Variants in PTPRG observed in about 807,000 individuals in gnomAD.
PTPRG encodes the protein protein tyrosine phosphatase receptor type G.
A neutral mutation model predicts 165.3 loss-of-function variants in PTPRG; 102 were observed. That is an observed-to-expected ratio of 0.62 (90% CI 0.53 to 0.73). The LOEUF (loss-of-function observed/expected upper bound fraction) is 0.73. Ranked by LOEUF, PTPRG falls within the 30% of genes least tolerant of loss-of-function variation. The pLI is 0.00. For synonymous variants in PTPRG, 675 were observed against 669.5 expected (o/e 1.01, Z -0.13); for missense variants, 1,866 against 1,861.4 (o/e 1.00, Z -0.05).
intron 2 of PTPRG, among the ~76,000 whole-genome samples, chr3:61,824,556 A>G (rs2036054386): frequency 6.6e-6 from 1 of 152,096 alleles, no homozygotes; most frequent in Non-Finnish European, 1.5e-5. Flanking sequence ...CTCAGCAAGT[A>G]TGGTGGCTCA....
chr3:61,646,532 C>T (rs921389014), intron 1 of PTPRG, among the ~76,000 whole-genome samples: 5 of 152,204 alleles, frequency 3.3e-5, no homozygotes, highest in African/African-American at 1.2e-4. Context: ...ACCCTTTCCC[C>T]AGCCTCCCCC....
intron 2 of PTPRG, among the ~76,000 whole-genome samples, chr3:61,812,050 C>G (rs1437703980): frequency 6.6e-6 from 1 of 152,130 alleles, no homozygotes; most frequent in African/African-American, 2.4e-5. Context: ...GTGGGGAGCA[C>G]CATGAGTTAA....
intron 1 of PTPRG, among the ~76,000 whole-genome samples, chr3:61,644,366 G>A (rs59442748): frequency 0.017 from 2,594 of 152,294 alleles, 78 homozygotes; most frequent in African/African-American, 0.059. Flanking sequence ...GGTGGCCTGT[G>A]TGTGATGATA....
intron 1 of PTPRG, among the ~76,000 whole-genome samples, chr3:61,620,099 T>C (rs1701409535): frequency 6.6e-6 from 1 of 152,096 alleles, no homozygotes; most frequent in Admixed American, 6.5e-5. Flanking sequence ...AGTAGAATAA[T>C]AAAAGGACTT....
chr3:61,845,934 C>T (rs192119009), intron 2 of PTPRG, among the ~76,000 whole-genome samples: 28 of 152,184 alleles, frequency 1.8e-4, no homozygotes, highest in African/African-American at 6.3e-4. Flanking sequence ...GTGAAATGAA[C>T]TGTCAAGGTT....
intron 1 of PTPRG, among the ~76,000 whole-genome samples, chr3:61,638,703 G>T (rs758196425): frequency 1.4e-5 from 2 of 146,370 alleles, no homozygotes; most frequent in Non-Finnish European, 3.0e-5. Context: ...CTCCCAAAGT[G>T]CTGGGATTAC....
In PTPRG at chr3:61,935,818, G is replaced by T. The variant is rs142209171; in HGVS notation, c.191-53807G>T. 4.7e-3 allele frequency among the ~76,000 whole-genome samples: 708 copies of T among 151,530 alleles called. 6 individuals carry two copies. The highest frequency in any genetic ancestry group is 0.016 in the African/African-American group (658 of 41,254). ...ATATTAGCCAACCTCACCTAATCCT[G>T]TCTGTCCTGGGCATTGTTCTGAGCA... On this transcript the variant is annotated intron_variant, in intron 2 of 29. Coordinates refer to ENST00000474889, the MANE Select transcript of PTPRG (RefSeq NM_002841.4).
intron 5 of PTPRG, among the ~76,000 whole-genome samples, chr3:62,085,349 G>T (rs1338771792): frequency 6.6e-6 from 1 of 152,170 alleles, no homozygotes; most frequent in Non-Finnish European, 1.5e-5. Flanking sequence ...ACGATTCATT[G>T]AGGTTGGTAC....
intron 1 of PTPRG, among the ~76,000 whole-genome samples, chr3:61,598,186 A>G (rs1380584374): frequency 2.6e-5 from 4 of 152,198 alleles, no homozygotes; most frequent in African/African-American, 7.2e-5. Flanking sequence ...GAGCCAATGT[A>G]ACACATAATG....
intron 4 of PTPRG, among the ~76,000 whole-genome samples, chr3:62,046,784 T>A (rs1700306351): frequency 6.6e-6 from 1 of 152,164 alleles, no homozygotes. Context: ...AGGTAGATGT[T>A]TGTTATTTAT....
chr3:61,699,938 A>G lies in PTPRG; in HGVS notation c.86-48940A>G, dbSNP rs530801382. ...CCTCAGAGTGGCTGCTTTTGAAATA[A>G]GTTTTCTAGAGGGTTTTCAAGAACA... is the stretch of plus-strand genomic sequence containing the variant. On this transcript the variant is annotated intron_variant, in intron 1 of 29. Transcript: ENST00000474889. 1.1e-3 allele frequency among the ~76,000 whole-genome samples: 161 copies of G among 152,302 alleles called. No homozygotes were observed. In the Middle Eastern group the frequency reaches 0.014, roughly 13 times the overall value.
At chr3:61,562,531 C>T (rs1469283740) in intron 1 of PTPRG, among the ~76,000 whole-genome samples, 159 bp downstream of exon 1, 1 of 145,848 alleles carries the variant, frequency 6.9e-6, no homozygotes, top group African/African-American at 2.6e-5. Flanking sequence ...GCTCCGCTGG[C>T]TTGGATGATG....
intron 1 of PTPRG, among the ~76,000 whole-genome samples, chr3:61,648,506 A>G (rs1009791566): frequency 2.6e-5 from 4 of 152,232 alleles, no homozygotes; most frequent in Non-Finnish European, 5.9e-5. Context: ...GGAATTACAC[A>G]TCTTGAAATA....
intron 1 of PTPRG, among the ~76,000 whole-genome samples, chr3:61,695,311 T>G (rs192450398): frequency 6.6e-6 from 1 of 152,246 alleles, no homozygotes; most frequent in Non-Finnish European, 1.5e-5. Flanking sequence ...GCGCCTGGCG[T>G]GTTTGGCTTT....
chr3:61,800,864 G>A (rs373252542), intron 2 of PTPRG, among the ~76,000 whole-genome samples: 20 of 152,108 alleles, frequency 1.3e-4, no homozygotes, highest in African/African-American at 4.6e-4. Flanking sequence ...GGCTGGTCTC[G>A]AACTCTGGAC....
At chr3:61,571,365 A>G (rs935739491) in intron 1 of PTPRG, among the ~76,000 whole-genome samples, 1 of 152,150 alleles carries the variant, frequency 6.6e-6, no homozygotes, top group Non-Finnish European at 1.5e-5. Flanking sequence ...GAGTATGGAA[A>G]CTATTTTTCC....
At chr3:61,856,618 AG>A (rs2037113600) in intron 2 of PTPRG, among the ~76,000 whole-genome samples, 1 of 152,202 alleles carries the variant, frequency 6.6e-6, no homozygotes, top group Admixed American at 6.5e-5. Context: ...TTATAAATAT[AG>A]AACTATAGTG....
chr3:61,916,511 T>G (rs2038939567), intron 2 of PTPRG, among the ~76,000 whole-genome samples: 1 of 152,238 alleles, frequency 6.6e-6, no homozygotes, highest in Non-Finnish European at 1.5e-5. Context: ...AAAATCTCAC[T>G]GTCAAATTAG....
At chr3:62,152,535 T>A (rs1704374456) in intron 6 of PTPRG, among the ~76,000 whole-genome samples, 1 of 152,176 alleles carries the variant, frequency 6.6e-6, no homozygotes, top group Non-Finnish European at 1.5e-5. Flanking sequence ...AGAGCTACCA[T>A]TTCTAAAATT....
Sources: gnomAD v4.1 joint callset for allele counts (sites outside exome capture counted in the v4.1 genomes callset) on GRCh38, gnomAD v4.1.1 for gene constraint, MANE v1.5 for transcripts, NCBI Gene and HGNC (gene_info 2026-07-23, HGNC 2026-07-21) for gene names.